The following DOCK2 variants were observed in gnomAD, a reference collection of about 807,000 sequenced individuals.
DOCK2 encodes dedicator of cytokinesis 2, also known as dedicator of cytokinesis protein 2.
Under a neutral mutation model 248.9 loss-of-function variants are expected in DOCK2, and 87 were observed. That is an observed-to-expected ratio of 0.35 (90% CI 0.29 to 0.42). The LOEUF (loss-of-function observed/expected upper bound fraction) is 0.42, where lower values mean the gene tolerates loss of function less well. Ranked by LOEUF, DOCK2 falls within the 10% of genes least tolerant of loss-of-function variation. The probability of loss-of-function intolerance (pLI) is 1.00; values close to 1 mark genes in which losing one functional copy is unlikely to be tolerated. For missense variants in DOCK2, 1,747 were observed against 2,300.2 expected, an observed-to-expected ratio of 0.76 and a Z score of 4.92; for synonymous variants, 805 against 821.6, an observed-to-expected ratio of 0.98 and a Z score of 0.35.
At chr5:169,761,273 G>A (rs1218441657) in intron 24 of DOCK2, 1 of 409,650 alleles carries the variant, frequency 2.4e-6, no homozygotes, top group East Asian at 4.2e-5. Flanking sequence ...CAAAGTGTGT[G>A]CTTGGTACAC....
intron 27 of DOCK2, among the ~76,000 whole-genome samples, chr5:169,962,070 G>A (rs1156895371): frequency 6.6e-6 from 1 of 151,888 alleles, no homozygotes; most frequent in Non-Finnish European, 1.5e-5. Context: ...CAGTGTGTCT[G>A]AGCAGAGTGG....
intron 9 of DOCK2, among the ~76,000 whole-genome samples, chr5:169,690,280 A>AT (rs1283645065): frequency 2.0e-5 from 3 of 152,126 alleles, no homozygotes; most frequent in African/African-American, 7.2e-5. Flanking sequence ...TGTTTATGAG[A>AT]TTTTTCACTA....
At chr5:169,710,794 G>T (rs932718205) in intron 15 of DOCK2, among the ~76,000 whole-genome samples, 1 of 152,162 alleles carries the variant, frequency 6.6e-6, no homozygotes, top group African/African-American at 2.4e-5. Context: ...TGATGACCCG[G>T]TCAACTCTGT....
Position 169,681,599 on chromosome 5 carries a change from G to A in DOCK2, c.471-145G>A, listed in dbSNP as rs941272096. On this transcript the variant is annotated intron_variant, in intron 6 of 51. Coordinates refer to ENST00000520908, the MANE Select transcript of DOCK2 (RefSeq NM_004946.3). ...CTACTATACCAATATGTGCTCACTA[G>A]CAGTGTCCCAGGCTATCAGTGTAGA... 1.3e-5 allele frequency: 12 copies of A among 941,890 alleles called. No individual in the cohort carries two copies. The Admixed American group carries it at 2.2e-4, about 18-fold the overall frequency. 58.3% of individuals were successfully genotyped at this position (941,890 alleles called of 1,614,324 possible).
At chr5:169,765,247 C>G (rs1337911246) in intron 25 of DOCK2, among the ~76,000 whole-genome samples, 2 of 152,090 alleles carry the variant, frequency 1.3e-5, no homozygotes, top group African/African-American at 4.8e-5. Context: ...AGAATGGGTC[C>G]CCTTGGGTTG....
At chr5:169,860,152 G>A (rs376777984) in intron 27 of DOCK2, among the ~76,000 whole-genome samples, 35 of 151,678 alleles carry the variant, frequency 2.3e-4, no homozygotes, top group African/African-American at 8.5e-4. Flanking sequence ...GTTTGACGGG[G>A]TCTCACTACT....
chr5:170,056,632 G>T (rs537710102), intron 42 of DOCK2, 52 bp from the exon 43 acceptor site: 3 of 1,521,308 alleles, frequency 2.0e-6, no homozygotes, highest in Non-Finnish European at 2.7e-6. Context: ...CAGATCGGGT[G>T]TCAGCAGCCG....
intron 34 of DOCK2, among the ~76,000 whole-genome samples, chr5:170,029,654 G>A (rs1028841606): frequency 3.3e-5 from 5 of 152,180 alleles, no homozygotes; most frequent in South Asian, 4.1e-4. Context: ...CCCTTCTCCC[G>A]CGAGGCCTTC....
At chr5:169,679,295 TC>T (rs1403672038) in intron 6 of DOCK2, among the ~76,000 whole-genome samples, 2 of 152,174 alleles carry the variant, frequency 1.3e-5, no homozygotes, top group Non-Finnish European at 2.9e-5. Context: ...TTTTATCACT[TC>T]CTTGAACAGA....
rs1263045402 is a variant in DOCK2, at chr5:169,700,144, G to A, written c.1258+5G>A. 2.5e-6 allele frequency: 4 copies of A among 1,613,372 alleles called. No individual in the cohort carries two copies. The highest frequency in any genetic ancestry group is 3.4e-6 in the Non-Finnish European group (4 of 1,179,552). ...TCCCAGAGATCATCATGCCAGGTGA[G>A]ACACAGCTGCTCTGACCTTCCCCTG... On this transcript the variant is annotated splice_donor_5th_base_variant and intron_variant, in intron 13 of 51. Coordinates refer to ENST00000520908, the MANE Select transcript of DOCK2 (RefSeq NM_004946.3).
At chr5:169,929,047 C>T (rs1775616371) in intron 27 of DOCK2, among the ~76,000 whole-genome samples, 2 of 152,188 alleles carry the variant, frequency 1.3e-5, no homozygotes, top group Non-Finnish European at 2.9e-5. Context: ...AGATGGAAAG[C>T]TTGAGGTCAA....
intron 28 of DOCK2, among the ~76,000 whole-genome samples, chr5:169,984,200 CT>C (rs1778009393): frequency 6.6e-6 from 1 of 152,112 alleles, no homozygotes; most frequent in Admixed American, 6.6e-5. Flanking sequence ...GAGGTAAGGT[CT>C]GGACATTGAC....
chr5:169,835,242 G>A (rs1433676561), intron 26 of DOCK2, among the ~76,000 whole-genome samples: 1 of 149,658 alleles, frequency 6.7e-6, no homozygotes, highest in East Asian at 2.0e-4. Flanking sequence ...ACAGTGGGAG[G>A]AAAGAGTGAA....
intron 9 of DOCK2, among the ~76,000 whole-genome samples, chr5:169,693,083 G>A (rs751173229): frequency 2.6e-5 from 4 of 152,060 alleles, no homozygotes; most frequent in African/African-American, 4.8e-5. Context: ...GGCCTCTGTC[G>A]CTCTGAAAGG....
chr5:170,056,627 C>A, intron 42 of DOCK2, 57 bp from the exon 43 acceptor site: 1 of 1,448,592 alleles, frequency 6.9e-7, no homozygotes, highest in Non-Finnish European at 9.7e-7. Flanking sequence ...AGGGTCAGAT[C>A]GGGTGTCAGC....
intron 27 of DOCK2, among the ~76,000 whole-genome samples, chr5:169,914,936 G>C (rs963618381): frequency 6.6e-5 from 10 of 152,218 alleles, no homozygotes; most frequent in African/African-American, 2.4e-4. Context: ...TCTTCCCACA[G>C]GCAGCGCCTG....
intron 1 of DOCK2, among the ~76,000 whole-genome samples, chr5:169,651,878 C>T (rs554441238): frequency 6.6e-6 from 1 of 152,288 alleles, no homozygotes; most frequent in East Asian, 1.9e-4. Context: ...GTCGACAGAG[C>T]AGTTGGTTGC....
chr5:169,909,205 C>T (rs533261723), intron 27 of DOCK2, among the ~76,000 whole-genome samples: 1 of 152,284 alleles, frequency 6.6e-6, no homozygotes, highest in Non-Finnish European at 1.5e-5. Flanking sequence ...GAACCTTGTA[C>T]CACATGAAGC....
intron 27 of DOCK2, among the ~76,000 whole-genome samples, chr5:169,871,361 A>G (rs1353683747): frequency 6.6e-6 from 1 of 152,238 alleles, no homozygotes; most frequent in East Asian, 1.9e-4. Flanking sequence ...ATTAGGATAC[A>G]TGGTAATTTA....
Sources: gnomAD v4.1 joint callset for allele counts (sites outside exome capture counted in the v4.1 genomes callset) on GRCh38, gnomAD v4.1.1 for gene constraint, MANE v1.5 for transcripts, NCBI Gene and HGNC (gene_info 2026-07-23, HGNC 2026-07-21) for gene names.